CNTN5: variants seen among roughly 807,000 people sequenced by gnomAD.
CNTN5 encodes the protein contactin 5.
CNTN5 carries 77 observed loss-of-function variants against 129.1 expected under a neutral mutation model. The observed-to-expected ratio is 0.60, with a 90% CI of 0.50 to 0.72. The LOEUF (loss-of-function observed/expected upper bound fraction) is 0.72. Among genes scored for constraint, CNTN5 ranks in the 30% least tolerant of loss-of-function variants. CNTN5 has a pLI of 0.00. For missense variants in CNTN5, 1,478 were observed against 1,328.8 expected, an observed-to-expected ratio of 1.11 and a Z score of -1.75; for synonymous variants, 509 against 465.6, an observed-to-expected ratio of 1.09 and a Z score of -1.20.
intron 1 of CNTN5, among the ~76,000 whole-genome samples, chr11:99,136,841 C>T (rs988819922): frequency 6.6e-6 from 1 of 151,958 alleles, no homozygotes; most frequent in Non-Finnish European, 1.5e-5. Context: ...TTTTGGCAGA[C>T]ACCAAGATCA....
intron 2 of CNTN5, among the ~76,000 whole-genome samples, chr11:99,534,276 G>A (rs1190915688): frequency 2.6e-5 from 4 of 152,134 alleles, no homozygotes; most frequent in African/African-American, 9.7e-5. Flanking sequence ...AATTTGACAG[G>A]AGCTATGAAT....
chr11:100,205,577 G>T (rs1300554791), intron 15 of CNTN5, among the ~76,000 whole-genome samples: 1 of 151,962 alleles, frequency 6.6e-6, no homozygotes, highest in Non-Finnish European at 1.5e-5. Context: ...CCTCTATTGA[G>T]CATTTATCAG....
intron 1 of CNTN5, among the ~76,000 whole-genome samples, chr11:99,231,735 C>T (rs1297862927): frequency 1.3e-5 from 2 of 152,020 alleles, no homozygotes; most frequent in African/African-American, 4.8e-5. Context: ...TGCCTATGTC[C>T]TGATTAGTAT....
chr11:99,941,842 T>C (rs1950445802), intron 7 of CNTN5, among the ~76,000 whole-genome samples: 1 of 152,112 alleles, frequency 6.6e-6, no homozygotes, highest in Non-Finnish European at 1.5e-5. Context: ...GACAGTGTTG[T>C]AGTTAAAAAG....
rs558380443 is a variant in CNTN5, at chr11:99,060,915, C to T, written c.-210+39645C>T. ...AGAGAGTGCAAGTAAGGCATCCTGA[C>T]TCATGTCTTCCCAATACCTCACACA... On this transcript the variant is annotated intron_variant, in intron 1 of 24. Transcript: ENST00000524871. Among the ~76,000 whole-genome samples, 10 of 152,164 alleles carry T rather than the reference C, an allele frequency of 6.6e-5. 1 individual carries two copies. Among genetic ancestry groups the T allele is most frequent in the African/African-American group, 1.9e-4 (8 of 41,502 alleles).
chr11:99,067,617 A>G (rs887573658), intron 1 of CNTN5, among the ~76,000 whole-genome samples: 1 of 152,156 alleles, frequency 6.6e-6, no homozygotes, highest in South Asian at 2.1e-4. Context: ...GGAGAAGTAA[A>G]GTAAAAATTA....
chr11:99,136,547 C>G (rs1859230769), intron 1 of CNTN5, among the ~76,000 whole-genome samples: 2 of 152,132 alleles, frequency 1.3e-5, no homozygotes. Flanking sequence ...CCATCTTACC[C>G]ACTCATTGCT....
intron 2 of CNTN5, among the ~76,000 whole-genome samples, chr11:99,380,079 G>GTC (rs1940440597): frequency 1.7e-5 from 2 of 116,068 alleles, no homozygotes; most frequent in Admixed American, 1.7e-4. Context: ...ATAATGGTGT[G>GTC]TCTGTGTGTG....
chr11:100,012,739 C>G (rs1016713156), intron 9 of CNTN5, among the ~76,000 whole-genome samples: 1 of 152,102 alleles, frequency 6.6e-6, no homozygotes, highest in Admixed American at 6.6e-5. Flanking sequence ...TTTGTCACAG[C>G]AAACATTATA....
chr11:99,412,504 C>CCAT (rs1235307253), intron 2 of CNTN5, among the ~76,000 whole-genome samples: 1 of 152,062 alleles, frequency 6.6e-6, no homozygotes. Flanking sequence ...ATCCTCACCT[C>CCAT]CATCATCATC....
intron 7 of CNTN5, among the ~76,000 whole-genome samples, chr11:99,917,014 T>C (rs1949807710): frequency 6.6e-6 from 1 of 152,130 alleles, no homozygotes; most frequent in Non-Finnish European, 1.5e-5. Context: ...AGGGTAGTAA[T>C]GGAGCACAAT....
chr11:99,510,269 T>C (rs1591187113), intron 2 of CNTN5, among the ~76,000 whole-genome samples: 1 of 152,204 alleles, frequency 6.6e-6, no homozygotes, highest in Admixed American at 6.5e-5. Context: ...TTTGTTAACA[T>C]ATCGGATTGA....
intron 9 of CNTN5, among the ~76,000 whole-genome samples, chr11:100,007,789 T>C (rs950273383): frequency 7.4e-6 from 1 of 134,290 alleles, no homozygotes; most frequent in African/African-American, 2.6e-5. Flanking sequence ...TTCAAAAACT[T>C]TTTTTTTTTC....
At chr11:99,874,816 A>G (rs1591348567) in intron 6 of CNTN5, among the ~76,000 whole-genome samples, 1 of 152,282 alleles carries the variant, frequency 6.6e-6, no homozygotes, top group African/African-American at 2.4e-5. Context: ...CAGTTCAATA[A>G]CTTGCAATCA....
At chr11:99,864,862 A>G (rs1449351281) in intron 6 of CNTN5, among the ~76,000 whole-genome samples, 1 of 152,206 alleles carries the variant, frequency 6.6e-6, no homozygotes, top group African/African-American at 2.4e-5. Flanking sequence ...AGCAGTTTTC[A>G]TATACCACGA....
intron 9 of CNTN5, among the ~76,000 whole-genome samples, chr11:100,024,843 T>G (rs1358727152): frequency 6.6e-6 from 1 of 152,160 alleles, no homozygotes; most frequent in Admixed American, 6.5e-5. Context: ...ACATTCAGTT[T>G]TATGCCTTCA....
At chr11:99,967,334 A>G (rs1278245427) in intron 8 of CNTN5, among the ~76,000 whole-genome samples, 1 of 152,172 alleles carries the variant, frequency 6.6e-6, no homozygotes, top group Non-Finnish European at 1.5e-5. Flanking sequence ...ATTCTCATGC[A>G]TTCACAAATG....
At chr11:99,972,741 A>G (rs1937659842) in intron 8 of CNTN5, among the ~76,000 whole-genome samples, 1 of 152,148 alleles carries the variant, frequency 6.6e-6, no homozygotes, top group African/African-American at 2.4e-5. Context: ...ACATACCTAG[A>G]GAGGGCCATC....
chr11:99,467,509 T>G (rs2135261208), intron 2 of CNTN5, among the ~76,000 whole-genome samples: 2 of 152,310 alleles, frequency 1.3e-5, no homozygotes, highest in East Asian at 1.9e-4. Context: ...GATCCTTGTA[T>G]AAATCGTCTT....
Sources: allele counts gnomAD v4.1 joint callset (sites outside exome capture counted in the v4.1 genomes callset), GRCh38; gene constraint gnomAD v4.1.1; transcripts MANE v1.5; gene names NCBI Gene and HGNC (gene_info 2026-07-23, HGNC 2026-07-21).